The following DLG1 variants were observed in gnomAD, a reference collection of about 807,000 sequenced individuals.
DLG1 encodes discs large MAGUK scaffold protein 1, also known as disks large homolog 1.
In DLG1, 42 loss-of-function variants were observed where a neutral mutation model predicts 123.4. The observed-to-expected ratio is 0.34, with a 90% CI of 0.27 to 0.44. The LOEUF (loss-of-function observed/expected upper bound fraction) is 0.44, where lower values mean the gene tolerates loss of function less well. DLG1 is among the 20% of genes least tolerant of loss of function. The probability of loss-of-function intolerance (pLI) is 1.00; values close to 1 mark genes in which losing one functional copy is unlikely to be tolerated. For synonymous variants in DLG1, 317 were observed against 356.2 expected (o/e 0.89, Z 1.24); for missense variants, 942 against 1,082.6 (o/e 0.87, Z 1.82).
At chr3:197,180,942 T>C (rs1483163979) in intron 5 of DLG1, among the ~76,000 whole-genome samples, 3 of 152,180 alleles carry the variant, frequency 2.0e-5, no homozygotes, top group Non-Finnish European at 4.4e-5. Flanking sequence ...ACCAACTACA[T>C]GCCAAACCCT....
intron 11 of DLG1, among the ~76,000 whole-genome samples, chr3:197,129,744 A>AT (rs925575273): frequency 6.6e-6 from 1 of 152,142 alleles, no homozygotes; most frequent in Non-Finnish European, 1.5e-5. Flanking sequence ...AACTGGCCTA[A>AT]TATCAATATT....
intron 20 of DLG1, 90 bp downstream of exon 20, chr3:197,066,611 TACA>T (rs1481506190): frequency 6.5e-6 from 6 of 924,748 alleles, no homozygotes; most frequent in Middle Eastern, 3.0e-4. Flanking sequence ...AAAATTTTAA[TACA>T]ACATTTTTTG....
intron 4 of DLG1, among the ~76,000 whole-genome samples, chr3:197,245,844 C>CTT (rs1751369013): frequency 8.3e-6 from 1 of 120,462 alleles, no homozygotes; most frequent in Non-Finnish European, 1.6e-5. Context: ...ATTCCCTCGT[C>CTT]TTTTAAAAGA....
chr3:197,291,300 TAC>T (rs33920543), intron 3 of DLG1, among the ~76,000 whole-genome samples: 7,785 of 143,138 alleles, frequency 0.054, 261 homozygotes, highest in African/African-American at 0.089. Context: ...CCTACAAAGT[TAC>T]ACACACACAC....
chr3:197,069,804 T>A (rs924281688), intron 18 of DLG1: 1 of 152,228 alleles, frequency 6.6e-6, no homozygotes, highest in African/African-American at 2.4e-5. Context: ...AATTCAGATG[T>A]CTCAGCTGGA....
intron 4 of DLG1, among the ~76,000 whole-genome samples, chr3:197,264,552 G>A (rs965478939): frequency 6.6e-6 from 1 of 152,002 alleles, no homozygotes; most frequent in Non-Finnish European, 1.5e-5. Flanking sequence ...TCAGCCTCCC[G>A]AGTAGCTGGG....
chr3:197,281,853 T>C (rs974569110), intron 4 of DLG1, among the ~76,000 whole-genome samples: 11 of 152,246 alleles, frequency 7.2e-5, no homozygotes, highest in African/African-American at 2.4e-4. Flanking sequence ...TAAAATTCTA[T>C]AGTTCTGTTA....
intron 18 of DLG1, among the ~76,000 whole-genome samples, chr3:197,071,830 G>A (rs35260201): frequency 0.24 from 36,529 of 152,000 alleles, 5,588 homozygotes; most frequent in East Asian, 0.72. Flanking sequence ...GAGTTCATGC[G>A]CTAGGAATGG....
chr3:197,223,446 A>G (rs1433171861), intron 4 of DLG1, among the ~76,000 whole-genome samples: 1 of 152,236 alleles, frequency 6.6e-6, no homozygotes, highest in Non-Finnish European at 1.5e-5. Flanking sequence ...CTCTAGTCCC[A>G]TAGAAAACTG....
intron 16 of DLG1, among the ~76,000 whole-genome samples, chr3:197,081,637 T>C (rs1541766): frequency 1 from 152,065 of 152,328 alleles, 75,904 homozygotes; most frequent in East Asian, 1. Context: ...AAGCCTAATT[T>C]TAATGATATA....
intron 4 of DLG1, among the ~76,000 whole-genome samples, chr3:197,231,031 C>A (rs575886830): frequency 6.6e-6 from 1 of 152,230 alleles, no homozygotes; most frequent in South Asian, 2.1e-4. Flanking sequence ...ACAGCTTCAA[C>A]ATGAAGAATT....
At chr3:197,276,624 G>C (rs1766563015) in intron 4 of DLG1, among the ~76,000 whole-genome samples, 1 of 152,020 alleles carries the variant, frequency 6.6e-6, no homozygotes, top group African/African-American at 2.4e-5. Context: ...GTTTCTATAA[G>C]AAGTTTCTTA....
At chr3:197,284,024 C>T (rs537819858) in intron 3 of DLG1, among the ~76,000 whole-genome samples, 3 of 152,056 alleles carry the variant, frequency 2.0e-5, no homozygotes, top group Admixed American at 1.3e-4. Flanking sequence ...CCATGCCTGG[C>T]TAATTTTTGT....
At chr3:197,175,044 A>G (rs1055201918) in intron 5 of DLG1, among the ~76,000 whole-genome samples, 6 of 152,218 alleles carry the variant, frequency 3.9e-5, no homozygotes, top group African/African-American at 1.4e-4. Flanking sequence ...CCTGTTACGA[A>G]GTGAGGAGGG....
intron 4 of DLG1, among the ~76,000 whole-genome samples, chr3:197,223,942 T>G (rs1738448325): frequency 6.6e-6 from 1 of 152,230 alleles, no homozygotes; most frequent in Non-Finnish European, 1.5e-5. Flanking sequence ...ACACGTCTCT[T>G]GTCAGTACTA....
intron 4 of DLG1, among the ~76,000 whole-genome samples, chr3:197,246,604 A>C (rs1751833190): frequency 6.6e-6 from 1 of 152,204 alleles, no homozygotes; most frequent in African/African-American, 2.4e-5. Flanking sequence ...TACTGGGTTT[A>C]AACTTTTGAT....
At chr3:197,122,361 A>G (rs1776878469) in intron 11 of DLG1, among the ~76,000 whole-genome samples, 1 of 152,120 alleles carries the variant, frequency 6.6e-6, no homozygotes, top group Admixed American at 6.5e-5. Flanking sequence ...ACCATATACA[A>G]TGGTGAAATA....
chr3:197,275,099 T>C (rs571647837), intron 4 of DLG1, among the ~76,000 whole-genome samples: 3 of 151,834 alleles, frequency 2.0e-5, no homozygotes, highest in Admixed American at 6.6e-5. Context: ...GGCAGAAGAA[T>C]TGCTTGGACC....
At chr3:197,276,258 G>A (rs1007103363) in intron 4 of DLG1, among the ~76,000 whole-genome samples, 2 of 152,106 alleles carry the variant, frequency 1.3e-5, no homozygotes, top group African/African-American at 4.8e-5. Flanking sequence ...ATCCCTTGTT[G>A]GTTTCTACTA....
Sources: gnomAD v4.1 joint callset for allele counts (sites outside exome capture counted in the v4.1 genomes callset) on GRCh38, gnomAD v4.1.1 for gene constraint, MANE v1.5 for transcripts, NCBI Gene and HGNC (gene_info 2026-07-23, HGNC 2026-07-21) for gene names.